CSMD3: variants seen among roughly 807,000 people sequenced by gnomAD.
CSMD3 encodes the protein CUB and sushi domain-containing protein 3.
CSMD3 carries 177 observed loss-of-function variants against 435.2 expected under a neutral mutation model. That is an observed-to-expected ratio of 0.41 (90% CI 0.36 to 0.46). The LOEUF (loss-of-function observed/expected upper bound fraction) is 0.46, where lower values mean the gene tolerates loss of function less well. CSMD3 is among the 20% of genes least tolerant of loss of function. The probability of loss-of-function intolerance (pLI) is 0.34; values close to 1 mark genes in which losing one functional copy is unlikely to be tolerated. For synonymous variants in CSMD3, 1,656 were observed against 1,520.5 expected (o/e 1.09, Z -2.07); for missense variants, 4,265 against 4,504.6 (o/e 0.95, Z 1.52).
At chr8:112,529,103 C>T (rs1028908042) in intron 27 of CSMD3, among the ~76,000 whole-genome samples, 1 of 152,134 alleles carries the variant, frequency 6.6e-6, no homozygotes, top group Non-Finnish European at 1.5e-5. Flanking sequence ...AAAATCAGCT[C>T]TCAGCTTCTC....
At chr8:113,262,605 T>C in intron 3 of CSMD3, among the ~76,000 whole-genome samples, 1 of 152,032 alleles carries the variant, frequency 6.6e-6, no homozygotes, top group East Asian at 1.9e-4. Flanking sequence ...GGGAGATAAA[T>C]ATAGAGATAT....
intron 1 of CSMD3, among the ~76,000 whole-genome samples, chr8:113,346,976 A>T (rs28653477): frequency 2.8e-4 from 43 of 152,090 alleles, no homozygotes; most frequent in Non-Finnish European, 5.1e-4. Flanking sequence ...AATGAAATTC[A>T]TCCAGAGTAA....
chr8:112,950,189 A>G lies in CSMD3; in HGVS notation c.1421-2312T>C, dbSNP rs527968844. 1.2e-4 allele frequency among the ~76,000 whole-genome samples: 19 copies of G among 152,102 alleles called. No homozygotes were observed. The South Asian group carries it at 3.9e-3, about 32-fold the overall frequency. ...TATACCTATTTAATATATTTTCAAC[A>G]AATATGTCCTAGTTGTTTGATTGAC... On this transcript the variant is annotated intron_variant, in intron 8 of 70. Transcript: ENST00000297405.
At chr8:112,312,476 G>A (rs964166018) in intron 49 of CSMD3, among the ~76,000 whole-genome samples, 8 of 151,966 alleles carry the variant, frequency 5.3e-5, no homozygotes, top group Admixed American at 3.3e-4. Flanking sequence ...GGCTGGTCTC[G>A]AACTCCTGAC....
chr8:112,764,055 C>A (rs2077914365), intron 13 of CSMD3, among the ~76,000 whole-genome samples: 1 of 151,388 alleles, frequency 6.6e-6, no homozygotes, highest in African/African-American at 2.4e-5. Context: ...ACTTTTTCTA[C>A]ATGGTTTTTA....
At chr8:112,369,534 A>T (rs1828117769) in intron 38 of CSMD3, among the ~76,000 whole-genome samples, 2 of 152,190 alleles carry the variant, frequency 1.3e-5, no homozygotes, top group African/African-American at 4.8e-5. Context: ...ATGTAGTCAT[A>T]AAAAAGAATG....
At chr8:112,933,124 ATT>A (rs957864797) in intron 9 of CSMD3, among the ~76,000 whole-genome samples, 4 of 151,700 alleles carry the variant, frequency 2.6e-5, no homozygotes, top group Non-Finnish European at 5.9e-5. Context: ...GACCTCTGAG[ATT>A]TTTTTTTCCA....
At chr8:112,274,157 C>T (rs1395597279) in intron 59 of CSMD3, among the ~76,000 whole-genome samples, 8 of 149,754 alleles carry the variant, frequency 5.3e-5, no homozygotes, top group African/African-American at 7.4e-5. Flanking sequence ...TTTCCTTCAA[C>T]GTGGAGTAAC....
intron 12 of CSMD3, among the ~76,000 whole-genome samples, chr8:112,814,219 A>G (rs1258931579): frequency 6.6e-6 from 1 of 152,182 alleles, no homozygotes; most frequent in Non-Finnish European, 1.5e-5. Flanking sequence ...AGTAATCACT[A>G]GGGAGAATGA....
At chr8:113,294,798 C>A (rs536836739) in intron 2 of CSMD3, among the ~76,000 whole-genome samples, 1 of 151,980 alleles carries the variant, frequency 6.6e-6, no homozygotes, top group Non-Finnish European at 1.5e-5. Flanking sequence ...TAATAAAGGA[C>A]AATCCTAATT....
chr8:112,629,624 G>GT lies in CSMD3; in HGVS notation c.3715+7192dup, dbSNP rs552973653. On this transcript the variant is annotated intron_variant, in intron 22 of 70. Transcript: ENST00000297405. ...CATATAGCCATGTAAAGAAATGTCA[G>GT]TAGAAGACGCTAAAGCCAACTCATG... 1.7e-3 allele frequency among the ~76,000 whole-genome samples: 256 copies of GT among 152,262 alleles called. 3 individuals are homozygous for GT. The highest frequency in any genetic ancestry group is 5.9e-3 in the African/African-American group (245 of 41,560).
chr8:112,843,857 G>T (rs2080247194), intron 11 of CSMD3, among the ~76,000 whole-genome samples: 1 of 151,802 alleles, frequency 6.6e-6, no homozygotes, highest in South Asian at 2.1e-4. Flanking sequence ...CTGACCCACA[G>T]AATTATAAAA....
At chr8:113,174,765 A>G (rs2092322388) in intron 3 of CSMD3, among the ~76,000 whole-genome samples, 2 of 151,866 alleles carry the variant, frequency 1.3e-5, no homozygotes, top group African/African-American at 2.4e-5. Context: ...TTATTTTATT[A>G]CTGTTATATT....
At chr8:112,960,550 C>T (rs2084189368) in intron 7 of CSMD3, among the ~76,000 whole-genome samples, 1 of 151,452 alleles carries the variant, frequency 6.6e-6, no homozygotes. Flanking sequence ...TTAAGTAGCT[C>T]ATGAATCTTT....
chr8:112,585,841 C>A lies in CSMD3; in HGVS notation c.3885+1225G>T, dbSNP rs114285794. Among the ~76,000 whole-genome samples, 62 of 151,662 alleles carry A rather than the reference C, an allele frequency of 4.1e-4. 1 individual carries two copies. The highest frequency in any genetic ancestry group is 1.5e-3 in the African/African-American group (62 of 41,502). On this transcript the variant is annotated intron_variant, in intron 23 of 70. Transcript: ENST00000297405. ...ATAATTTGCTTGAAAATAAAAAGCA[C>A]TGCCTCAGTTCTATATACAAGCATC...
chr8:113,296,665 G>C (rs2093724751), intron 2 of CSMD3, among the ~76,000 whole-genome samples: 1 of 152,026 alleles, frequency 6.6e-6, no homozygotes, highest in Non-Finnish European at 1.5e-5. Context: ...ACCCTAACAG[G>C]GCAATTAGTG....
At chr8:112,875,289 C>T (rs28887232) in intron 10 of CSMD3, among the ~76,000 whole-genome samples, 9,350 of 152,154 alleles carry the variant, frequency 0.061, 974 homozygotes, top group African/African-American at 0.21. Flanking sequence ...AGAGTTCCAC[C>T]GTTAGTCTAA....
intron 6 of CSMD3, among the ~76,000 whole-genome samples, chr8:112,987,042 TAAAGA>T (rs567372589): frequency 9.3e-4 from 142 of 152,202 alleles, no homozygotes; most frequent in African/African-American, 3.4e-3. Flanking sequence ...ATCAGGTACA[TAAAGA>T]AATCTCTGAA....
chr8:112,873,428 T>C (rs1587538219), intron 10 of CSMD3, among the ~76,000 whole-genome samples: 1 of 152,058 alleles, frequency 6.6e-6, no homozygotes, highest in South Asian at 2.1e-4. Context: ...ATTTCCTTCA[T>C]CAGAAATATT....
Sources: gnomAD v4.1 joint callset for allele counts (sites outside exome capture counted in the v4.1 genomes callset) on GRCh38, gnomAD v4.1.1 for gene constraint, MANE v1.5 for transcripts, NCBI Gene and HGNC (gene_info 2026-07-23, HGNC 2026-07-21) for gene names.